The following SPART variants were observed in gnomAD, a reference collection of about 807,000 sequenced individuals.
The protein encoded by SPART is spartin.
SPART carries 35 observed loss-of-function variants against 58.7 expected under a neutral mutation model. The ratio of observed to expected loss-of-function variants is 0.60; its 90% CI spans 0.46 to 0.79. The LOEUF (loss-of-function observed/expected upper bound fraction) is 0.79, where lower values mean the gene tolerates loss of function less well. Ranked by LOEUF, SPART falls within the 30% of genes least tolerant of loss-of-function variation. The pLI is 0.00. For missense variants in SPART, 730 were observed against 786.1 expected, an observed-to-expected ratio of 0.93 and a Z score of 0.85; for synonymous variants, 284 against 280.7, an observed-to-expected ratio of 1.01 and a Z score of -0.12.
chr13:36,323,104 A>G lies in SPART; in HGVS notation c.1288+3471T>C, dbSNP rs938453542. ...TCTGCTCACTCTCAACCCTAGGATGATATGTTGGAATAGGTAGGCAGAAAG... is the reference window on the plus strand; with the variant it reads ...TCTGCTCACTCTCAACCCTAGGATGGTATGTTGGAATAGGTAGGCAGAAAG... On this transcript the variant is annotated intron_variant, in intron 5 of 8. Transcript: ENST00000438666. Among the ~76,000 whole-genome samples, 7 of 152,082 alleles carry G rather than the reference A, an allele frequency of 4.6e-5. No homozygotes were observed. In the South Asian group the frequency reaches 6.2e-4, roughly 14 times the overall value.
chr13:36,325,483 TG>T (rs1882840421), intron 5 of SPART, among the ~76,000 whole-genome samples: 1 of 152,198 alleles, frequency 6.6e-6, no homozygotes, highest in Admixed American at 6.5e-5. Context: ...TCTTTTAAAA[TG>T]GATTTTAGTG....
At chr13:36,319,444 C>T in intron 5 of SPART, among the ~76,000 whole-genome samples, 1 of 151,496 alleles carries the variant, frequency 6.6e-6, no homozygotes, top group Non-Finnish European at 1.5e-5. Context: ...TCCCATCCCG[C>T]AGCATGCTTT....
In SPART at chr13:36,363,401, T is replaced by TTC. The variant is rs370077341; in HGVS notation, c.-3+6686_-3+6687dup. 1.7e-3 allele frequency among the ~76,000 whole-genome samples: 248 copies of TTC among 150,282 alleles called. 2 individuals carry two copies. Among genetic ancestry groups the TTC allele is most frequent in the Admixed American group, 5.5e-3 (83 of 15,086 alleles). On this transcript the variant is annotated intron_variant, in intron 1 of 8. Coordinates refer to the SPART transcript ENST00000355182. ...CCTCTTTTTGTCTGTCTCTCTTTCTTTCTCTCTCTCTCTCTCTGAACTCTA... is the reference window on the plus strand; with the variant it reads ...CCTCTTTTTGTCTGTCTCTCTTTCTTTCTCTCTCTCTCTCTCTCTGAACTCTA...
At position 36,357,260 on chromosome 13, in the gene SPART, G is replaced by A. The variant is rs534128318; in HGVS notation, c.-3+12829C>T. On this transcript the variant is annotated intron_variant, in intron 1 of 8. Coordinates refer to the SPART transcript ENST00000355182. Reference sequence around the variant, plus strand: ...TTCCTGAGGAGGCAAGTGCATGAGTGAAACTTTTGTAATTCAAGCCCCTTG... The same window carrying A: ...TTCCTGAGGAGGCAAGTGCATGAGTAAAACTTTTGTAATTCAAGCCCCTTG... Among the ~76,000 whole-genome samples the A allele has an allele frequency of 2.0e-5, 3 of 152,290 alleles. No homozygotes were observed. The South Asian group carries it at 6.2e-4, about 32-fold the overall frequency.
At chr13:36,368,384 G>A in intron 1 of SPART, 1 of 167,658 alleles carries the variant, frequency 6.0e-6, no homozygotes, top group South Asian at 1.5e-4. Context: ...ATCCATCACT[G>A]AAATAAAATA....
intron 1 of SPART, among the ~76,000 whole-genome samples, chr13:36,354,392 A>G (rs1305003164): frequency 6.6e-6 from 1 of 152,152 alleles, no homozygotes; most frequent in African/African-American, 2.4e-5. Flanking sequence ...TTCTGTTCTG[A>G]TAAGAATGGT....
chr13:36,344,666 G>A (rs943796671), intron 1 of SPART, among the ~76,000 whole-genome samples: 1 of 152,138 alleles, frequency 6.6e-6, no homozygotes, highest in Non-Finnish European at 1.5e-5. Flanking sequence ...AGGATTGGAG[G>A]ATGGTGACTT....
Position 36,326,568 on chromosome 13 carries a change from G to A in SPART, c.1288+7C>T. 2 of 1,613,026 alleles carry A rather than the reference G, an allele frequency of 1.2e-6. No homozygotes were observed. Among genetic ancestry groups the A allele is most frequent in the Non-Finnish European group, 1.7e-6 (2 of 1,179,806 alleles). ...TACAGGGAAAAAAATTAACATTACT[G>A]TAATACCTGACAAAATGTTGTGAGC... On this transcript the variant is annotated splice_region_variant and intron_variant, in intron 5 of 8. Coordinates refer to ENST00000438666, the MANE Select transcript of SPART (RefSeq NM_015087.5).
intron 1 of SPART, among the ~76,000 whole-genome samples, chr13:36,343,763 C>A (rs1027793899): frequency 6.6e-6 from 1 of 152,196 alleles, no homozygotes; most frequent in African/African-American, 2.4e-5. Context: ...CCAATCCTCA[C>A]TCTTGGAGGT....
At chr13:36,335,972 C>T in intron 1 of SPART, 140 bp from the exon 2 acceptor site, 2 of 699,370 alleles carry the variant, frequency 2.9e-6, no homozygotes, top group Non-Finnish European at 5.0e-6. Context: ...TCCTTTAAGC[C>T]TACTATTAGG....
At chr13:36,325,211 C>G (rs1364402239) in intron 5 of SPART, among the ~76,000 whole-genome samples, 3 of 152,118 alleles carry the variant, frequency 2.0e-5, no homozygotes, top group African/African-American at 7.2e-5. Flanking sequence ...GAATGATGGC[C>G]TCCTAATAAT....
intron 1 of SPART, chr13:36,365,462 A>T: frequency 2.8e-6 from 1 of 358,466 alleles, no homozygotes; most frequent in Non-Finnish European, 5.5e-6. Context: ...TTTTCTCCAA[A>T]ATGTTTTTCA....
intron 1 of SPART, among the ~76,000 whole-genome samples, chr13:36,364,399 G>A (rs1264647686): frequency 6.6e-6 from 1 of 151,950 alleles, no homozygotes; most frequent in Non-Finnish European, 1.5e-5. Context: ...GAATTCCCAG[G>A]GATCATCTTA....
intron 1 of SPART, among the ~76,000 whole-genome samples, chr13:36,361,531 A>T (rs1189226983): frequency 1.3e-5 from 2 of 152,044 alleles, no homozygotes; most frequent in East Asian, 3.9e-4. Flanking sequence ...CAGCCTCCTG[A>T]GTAGCTGGGA....
At chr13:36,329,734 G>C (rs1050353760) in intron 3 of SPART, among the ~76,000 whole-genome samples, 1 of 152,160 alleles carries the variant, frequency 6.6e-6, no homozygotes, top group Non-Finnish European at 1.5e-5. Flanking sequence ...ATATGCCTAA[G>C]TAAGTTTCAA....
chr13:36,344,196 C>T (rs887593947), intron 1 of SPART, among the ~76,000 whole-genome samples: 1 of 152,028 alleles, frequency 6.6e-6, no homozygotes, highest in African/African-American at 2.4e-5. Flanking sequence ...AGTCATGTGG[C>T]TTAAATCTTC....
chr13:36,302,682 T>C lies in SPART; in HGVS notation c.*1683A>G, dbSNP rs1224220302. ...GAGATATTTTGATACAGGTATGCGATTTATAATAATTACATCAGGGTGTAT... is the reference window on the plus strand; with the variant it reads ...GAGATATTTTGATACAGGTATGCGACTTATAATAATTACATCAGGGTGTAT... On this transcript the variant is annotated 3_prime_UTR_variant, in exon 9 of 9. Transcript: ENST00000438666. 1 of 152,208 alleles carries C rather than the reference T, an allele frequency of 6.6e-6. No individual in the cohort carries two copies. The allele number at this position is 152,208 out of a possible 1,614,324, so 9.4% of individuals were successfully genotyped here. A position where few individuals can be genotyped will look rare whatever the true frequency, so the allele number is the denominator to read the frequency against.
intron 6 of SPART, among the ~76,000 whole-genome samples, chr13:36,312,806 C>T (rs1483035751): frequency 6.6e-6 from 1 of 151,928 alleles, no homozygotes. Context: ...ATGTTTATAA[C>T]CTTGCCTCTC....
At chr13:36,305,908 T>C (rs926284536) in intron 8 of SPART, among the ~76,000 whole-genome samples, 1 of 152,208 alleles carries the variant, frequency 6.6e-6, no homozygotes, top group Non-Finnish European at 1.5e-5. Flanking sequence ...GGACATCTTA[T>C]ATAACACTAG....
Sources: gnomAD v4.1 joint callset for allele counts (sites outside exome capture counted in the v4.1 genomes callset) on GRCh38, gnomAD v4.1.1 for gene constraint, MANE v1.5 for transcripts, NCBI Gene and HGNC (gene_info 2026-07-23, HGNC 2026-07-21) for gene names.